Variants in CCBE1 observed in about 807,000 individuals in gnomAD.
The protein encoded by CCBE1 is collagen and calcium-binding EGF domain-containing protein 1.
A neutral mutation model predicts 50.0 loss-of-function variants in CCBE1; 37 were observed. That is an observed-to-expected ratio of 0.74 (90% confidence interval 0.57 to 0.97). The LOEUF (loss-of-function observed/expected upper bound fraction) is 0.97. Ranked by LOEUF, CCBE1 falls within the 50% of genes least tolerant of loss-of-function variation. The probability of loss-of-function intolerance (pLI) is 0.00; values close to 1 mark genes in which losing one functional copy is unlikely to be tolerated. For synonymous variants in CCBE1, 234 were observed against 203.7 expected (o/e 1.15, Z -1.27); for missense variants, 538 against 523.8 (o/e 1.03, Z -0.26).
chr18:59,622,911 A>G (rs978843756), intron 2 of CCBE1, among the ~76,000 whole-genome samples: 1 of 152,118 alleles, frequency 6.6e-6, no homozygotes, highest in African/African-American at 2.4e-5. Context: ...GGACAGAGGA[A>G]ACACTCTGGA....
chr18:59,589,934 G>T (rs2053238343), intron 2 of CCBE1, among the ~76,000 whole-genome samples: 1 of 151,730 alleles, frequency 6.6e-6, no homozygotes, highest in Admixed American at 6.6e-5. Flanking sequence ...AGAACCATAA[G>T]ATTATTTCCA....
intron 7 of CCBE1, among the ~76,000 whole-genome samples, chr18:59,444,946 C>T (rs1910606380): frequency 1.3e-5 from 2 of 151,908 alleles, no homozygotes; most frequent in Admixed American, 1.3e-4. Context: ...AGATATTAAC[C>T]CCTTATCAGA....
intron 2 of CCBE1, among the ~76,000 whole-genome samples, chr18:59,634,269 T>G (rs941624086): frequency 6.6e-6 from 1 of 152,188 alleles, no homozygotes; most frequent in African/African-American, 2.4e-5. Flanking sequence ...GCAGGGAAAC[T>G]TACTCATTTG....
chr18:59,681,329 G>T (rs968760250), intron 2 of CCBE1, among the ~76,000 whole-genome samples: 1 of 152,182 alleles, frequency 6.6e-6, no homozygotes, highest in African/African-American at 2.4e-5. Flanking sequence ...AAATAAGTCT[G>T]TAATAGAAAC....
In CCBE1 at chr18:59,552,543, G is replaced by A. The variant is rs151154751; in HGVS notation, c.213-72305C>T. On this transcript the variant is annotated intron_variant, in intron 2 of 10. Transcript: ENST00000439986. ...CCAACATCTCTTTATGCTTCCACTC[G>A]CCAAGTATCCATTTGCTGACTTAAT... is the stretch of plus-strand genomic sequence containing the variant. 2.6e-3 allele frequency among the ~76,000 whole-genome samples: 398 copies of A among 152,182 alleles called. 12 individuals are homozygous for A. In the South Asian group the frequency reaches 0.041, roughly 16 times the overall value.
At chr18:59,499,765 A>T (rs921576972) in intron 2 of CCBE1, among the ~76,000 whole-genome samples, 4 of 152,174 alleles carry the variant, frequency 2.6e-5, no homozygotes, top group Non-Finnish European at 5.9e-5. Flanking sequence ...TTCTCTAGGC[A>T]CAACAATGGC....
At chr18:59,611,936 T>C (rs760890855) in intron 2 of CCBE1, among the ~76,000 whole-genome samples, 1 of 152,146 alleles carries the variant, frequency 6.6e-6, no homozygotes, top group African/African-American at 2.4e-5. Flanking sequence ...TAAAGTCTAC[T>C]GTTTGCTGGT....
intron 2 of CCBE1, among the ~76,000 whole-genome samples, chr18:59,537,892 T>G (rs951508406): frequency 1.3e-5 from 2 of 152,224 alleles, no homozygotes; most frequent in African/African-American, 4.8e-5. Context: ...ACTTTCCTGT[T>G]TGTAAAGTAG....
chr18:59,570,291 G>A (rs1412856251), intron 2 of CCBE1, among the ~76,000 whole-genome samples: 1 of 152,044 alleles, frequency 6.6e-6, no homozygotes, highest in Non-Finnish European at 1.5e-5. Flanking sequence ...AGGTGGTGCT[G>A]GGGAACATGA....
chr18:59,487,241 C>T, intron 2 of CCBE1, among the ~76,000 whole-genome samples: 1 of 151,446 alleles, frequency 6.6e-6, no homozygotes, highest in Non-Finnish European at 1.5e-5. Flanking sequence ...CACACTGTGG[C>T]ATGCCTAAGA....
chr18:59,646,060 A>G (rs1488254251), intron 2 of CCBE1, among the ~76,000 whole-genome samples: 1 of 152,106 alleles, frequency 6.6e-6, no homozygotes, highest in Non-Finnish European at 1.5e-5. Context: ...AAAAGGTATC[A>G]AAAGGCAGCA....
intron 2 of CCBE1, among the ~76,000 whole-genome samples, chr18:59,512,367 G>A (rs1914168889): frequency 6.6e-6 from 1 of 152,252 alleles, no homozygotes; most frequent in African/African-American, 2.4e-5. Flanking sequence ...TGGGGTTGGA[G>A]CCCCACAACC....
intron 2 of CCBE1, among the ~76,000 whole-genome samples, chr18:59,562,790 T>C (rs1434336056): frequency 2.0e-5 from 3 of 152,190 alleles, no homozygotes; most frequent in East Asian, 1.9e-4. Flanking sequence ...GTGGCCTTCA[T>C]GCAGGGGGTG....
At chr18:59,564,597 T>C (rs577977823) in intron 2 of CCBE1, among the ~76,000 whole-genome samples, 1 of 152,376 alleles carries the variant, frequency 6.6e-6, no homozygotes, top group East Asian at 1.9e-4. Flanking sequence ...AACTGGCTTG[T>C]ATTTCACTGA....
intron 2 of CCBE1, among the ~76,000 whole-genome samples, chr18:59,642,043 T>TA (rs1204119609): frequency 6.6e-6 from 1 of 152,118 alleles, no homozygotes; most frequent in African/African-American, 2.4e-5. Flanking sequence ...AAAAGGGTGA[T>TA]AAAATCGATG....
chr18:59,481,138 A>G (rs1474737049), intron 2 of CCBE1, among the ~76,000 whole-genome samples: 2 of 152,242 alleles, frequency 1.3e-5, no homozygotes, highest in African/African-American at 4.8e-5. Flanking sequence ...CAGAGAAACT[A>G]CTAAAAGAAC....
intron 2 of CCBE1, among the ~76,000 whole-genome samples, chr18:59,613,708 G>A (rs1249663412): frequency 6.6e-6 from 1 of 151,716 alleles, no homozygotes; most frequent in Non-Finnish European, 1.5e-5. Flanking sequence ...AGACCAGCCT[G>A]GGCAACATAG....
intron 2 of CCBE1, among the ~76,000 whole-genome samples, chr18:59,595,020 G>C (rs563489376): frequency 6.6e-6 from 1 of 151,300 alleles, no homozygotes; most frequent in Admixed American, 6.6e-5. Context: ...GCTAAGGCAG[G>C]AGAATCCCTT....
intron 2 of CCBE1, among the ~76,000 whole-genome samples, chr18:59,528,989 T>A (rs1359600777): frequency 6.6e-6 from 1 of 152,222 alleles, no homozygotes; most frequent in Non-Finnish European, 1.5e-5. Flanking sequence ...TGGCTGCCTC[T>A]TGGCGGAGGG....
Sources: gnomAD v4.1 joint callset for allele counts (sites outside exome capture counted in the v4.1 genomes callset) on GRCh38, gnomAD v4.1.1 for gene constraint, MANE v1.5 for transcripts, NCBI Gene and HGNC (gene_info 2026-07-23, HGNC 2026-07-21) for gene names.